The following CNGB3 variants were observed in gnomAD, a reference collection of about 807,000 sequenced individuals.
CNGB3 encodes the protein cyclic nucleotide gated channel subunit beta 3.
CNGB3 carries 86 observed loss-of-function variants against 92.8 expected under a neutral mutation model. The observed-to-expected ratio is 0.93, with a 90% CI of 0.78 to 1.11. The LOEUF (loss-of-function observed/expected upper bound fraction) is 1.11, where lower values mean the gene tolerates loss of function less well. CNGB3 is among the 50% of genes least tolerant of loss of function. The pLI, the probability that CNGB3 is intolerant of heterozygous loss-of-function variation, is 0.00. For missense variants in CNGB3, 1,026 were observed against 956.8 expected, an observed-to-expected ratio of 1.07 and a Z score of -0.95; for synonymous variants, 333 against 332.7, an observed-to-expected ratio of 1.00 and a Z score of -0.01.
chr8:86,598,914 A>G (rs1822228817), intron 15 of CNGB3, among the ~76,000 whole-genome samples: 1 of 152,114 alleles, frequency 6.6e-6, no homozygotes, highest in Non-Finnish European at 1.5e-5. Flanking sequence ...AGTTCCTAGG[A>G]TTAGGATGTG....
chr8:86,673,469 G>A (rs1823905874), intron 3 of CNGB3, among the ~76,000 whole-genome samples: 1 of 152,160 alleles, frequency 6.6e-6, no homozygotes, highest in Admixed American at 6.5e-5. Flanking sequence ...ATGGTGGTTG[G>A]GTATGGAAAG....
At chr8:86,592,349 C>T (rs1822065469) in intron 15 of CNGB3, among the ~76,000 whole-genome samples, 1 of 152,220 alleles carries the variant, frequency 6.6e-6, no homozygotes, top group Non-Finnish European at 1.5e-5. Flanking sequence ...TCCTATTCGG[C>T]CATCTTGGCT....
At chr8:86,692,741 A>G (rs1171863924) in intron 3 of CNGB3, among the ~76,000 whole-genome samples, 1 of 152,156 alleles carries the variant, frequency 6.6e-6, no homozygotes, top group Non-Finnish European at 1.5e-5. Flanking sequence ...TAGTATTGAC[A>G]TGTGAGGTAG....
chr8:86,603,647 G>A (rs113638123), intron 15 of CNGB3, among the ~76,000 whole-genome samples: 3 of 152,178 alleles, frequency 2.0e-5, no homozygotes, highest in Non-Finnish European at 4.4e-5. Context: ...GTGGGGACAA[G>A]TAACAGAGGA....
chr8:86,718,232 G>A (rs916453257), intron 3 of CNGB3, among the ~76,000 whole-genome samples: 4 of 151,982 alleles, frequency 2.6e-5, no homozygotes, highest in Admixed American at 1.3e-4. Context: ...ACAAAAAACC[G>A]TTTCTTTGAA....
intron 13 of CNGB3, among the ~76,000 whole-genome samples, chr8:86,621,511 G>GT (rs1822725969): frequency 6.6e-6 from 1 of 151,938 alleles, no homozygotes; most frequent in Admixed American, 6.6e-5. Context: ...GGAACAAGTG[G>GT]TTTTTGGTTA....
At chr8:86,718,266 A>G (rs1250959225) in intron 3 of CNGB3, among the ~76,000 whole-genome samples, 1 of 152,180 alleles carries the variant, frequency 6.6e-6, no homozygotes, top group Non-Finnish European at 1.5e-5. Context: ...TTCACAGAAC[A>G]TTAGTGAGAT....
intron 3 of CNGB3, among the ~76,000 whole-genome samples, chr8:86,677,270 CTA>C (rs1240015658): frequency 1.3e-5 from 2 of 152,310 alleles, no homozygotes; most frequent in Admixed American, 1.3e-4. Flanking sequence ...TCTTAGGAAA[CTA>C]ACAGAGTTAG....
chr8:86,659,855 CT>C, intron 6 of CNGB3: 1 of 422,366 alleles, frequency 2.4e-6, no homozygotes, highest in Non-Finnish European at 4.7e-6. Flanking sequence ...TCTCCAGATC[CT>C]TCAGGTTAGC....
Position 86,626,011 on chromosome 8 carries a change from C to A in CNGB3, c.1550G>T (p.Ser517Ile). Residue 517 changes from serine to isoleucine, a missense_variant, in exon 13 of 18, where the codon AGC becomes ATC. Physicochemically the swap from Ser to Ile is moderately radical, Grantham distance 142. Transcript: ENST00000320005. Reference sequence around the variant, plus strand: ...GAACAAGTCGACTTTGCTGATGATGCTGAAGTTCACATCAATGGCGAGGGC... The same window carrying A: ...GAACAAGTCGACTTTGCTGATGATGATGAAGTTCACATCAATGGCGAGGGC... ...QLALAIDVNF[S>I]IISKVDLFKG... is the part of the protein sequence containing the mutation. The A allele has an allele frequency of 6.2e-7, 1 of 1,613,772 alleles. No homozygotes were observed. Among genetic ancestry groups the A allele is most frequent in the Non-Finnish European group, 8.5e-7 (1 of 1,179,854 alleles).
chr8:86,717,884 G>A (rs960641946), intron 3 of CNGB3, among the ~76,000 whole-genome samples: 2 of 152,028 alleles, frequency 1.3e-5, no homozygotes, highest in East Asian at 1.9e-4. Context: ...GCAAACACAC[G>A]AAAATTAAAT....
intron 3 of CNGB3, among the ~76,000 whole-genome samples, chr8:86,682,374 T>TG (rs1248756217): frequency 2.9e-4 from 44 of 152,288 alleles, no homozygotes; most frequent in African/African-American, 1.0e-3. Context: ...GAGGGGTGGA[T>TG]GAATATCTTG....
At chr8:86,629,859 G>A (rs995586848) in intron 11 of CNGB3, among the ~76,000 whole-genome samples, 2 of 152,090 alleles carry the variant, frequency 1.3e-5, no homozygotes, top group Non-Finnish European at 1.5e-5. Context: ...TATATAGCTC[G>A]ACTCTTCCTC....
chr8:86,667,941 C>T, intron 5 of CNGB3, 78 bp downstream of exon 5: 1 of 1,456,192 alleles, frequency 6.9e-7, no homozygotes, highest in Non-Finnish European at 9.6e-7. Context: ...AAAATAGAAG[C>T]TATCTGTGAC....
chr8:86,689,824 G>C (rs1396671505), intron 3 of CNGB3, among the ~76,000 whole-genome samples: 2 of 150,930 alleles, frequency 1.3e-5, no homozygotes, highest in African/African-American at 4.9e-5. Flanking sequence ...TTGGTTTTCT[G>C]TCCTTGTGAT....
At chr8:86,586,715 T>C (rs1821901895) in intron 15 of CNGB3, among the ~76,000 whole-genome samples, 1 of 150,694 alleles carries the variant, frequency 6.6e-6, no homozygotes, top group African/African-American at 2.5e-5. Context: ...ATGTGCCATA[T>C]TTTCTTAATC....
chr8:86,601,815 A>G (rs1822309283), intron 15 of CNGB3, among the ~76,000 whole-genome samples: 1 of 152,220 alleles, frequency 6.6e-6, no homozygotes, highest in Non-Finnish European at 1.5e-5. Flanking sequence ...GCTCCCTTTT[A>G]CTTGAATCAA....
At chr8:86,647,970 G>C (rs1405439169) in intron 7 of CNGB3, 83 bp from the exon 8 acceptor site, 2 of 857,094 alleles carry the variant, frequency 2.3e-6, no homozygotes, top group African/African-American at 3.3e-5. Context: ...GTCTGTAAAA[G>C]TTGACCAATC....
intron 3 of CNGB3, among the ~76,000 whole-genome samples, chr8:86,698,208 C>A (rs1046174220): frequency 2.6e-5 from 4 of 152,156 alleles, no homozygotes; most frequent in African/African-American, 7.2e-5. Context: ...TTGTATACAG[C>A]AGATTCAAGT....
Sources: allele counts gnomAD v4.1 joint callset (sites outside exome capture counted in the v4.1 genomes callset), GRCh38; gene constraint gnomAD v4.1.1; transcripts MANE v1.5; gene names NCBI Gene and HGNC (gene_info 2026-07-23, HGNC 2026-07-21).